SBK1: variants seen among roughly 807,000 people sequenced by gnomAD.
SBK1 encodes the protein SH3 domain binding kinase 1.
Under a neutral mutation model 24.4 loss-of-function variants are expected in SBK1, and 11 were observed. The ratio of observed to expected loss-of-function variants is 0.45; its 90% confidence interval spans 0.28 to 0.75. SBK1 has a LOEUF of 0.75. SBK1 is among the 30% of genes least tolerant of loss of function. The probability of loss-of-function intolerance (pLI) is 0.12; values close to 1 mark genes in which losing one functional copy is unlikely to be tolerated. For synonymous variants in SBK1, 308 were observed against 284.4 expected (o/e 1.08, Z -0.83); for missense variants, 467 against 620.5 (o/e 0.75, Z 2.63).
At chr16:28,263,261 A>G (rs1567668361) in intron 1 of SBK1, among the ~76,000 whole-genome samples, 1 of 152,196 alleles carries the variant, frequency 6.6e-6, no homozygotes. Flanking sequence ...CCCTGCTCTC[A>G]TGGGGTTTAT....
chr16:28,277,344 G>A (rs1443988476), intron 1 of SBK1, among the ~76,000 whole-genome samples: 1 of 151,554 alleles, frequency 6.6e-6, no homozygotes, highest in Non-Finnish European at 1.5e-5. Flanking sequence ...GACAGAGAGA[G>A]AGAGAGAGAA....
chr16:28,315,957 G>C (rs1046796021), intron 1 of SBK1, among the ~76,000 whole-genome samples: 3 of 152,126 alleles, frequency 2.0e-5, no homozygotes, highest in Middle Eastern at 3.4e-3. Flanking sequence ...GTAGAGACAG[G>C]GTTCCGCCAC....
At chr16:28,294,579 G>T (rs1259835031) in intron 1 of SBK1, among the ~76,000 whole-genome samples, 2 of 152,178 alleles carry the variant, frequency 1.3e-5, no homozygotes, top group African/African-American at 4.8e-5. Context: ...CCCTGGGCAC[G>T]TCCCATTGGG....
chr16:28,284,099 G>A (rs1190278376), intron 1 of SBK1, among the ~76,000 whole-genome samples: 1 of 152,012 alleles, frequency 6.6e-6, no homozygotes, highest in African/African-American at 2.4e-5. Context: ...TGACTGAGTT[G>A]GTAACACGAC....
At position 28,320,899 on chromosome 16, in the gene SBK1, C is replaced by T; in HGVS notation, c.1253C>T (p.Thr418Met). The change falls in exon 4 of 4, where the codon ACG (threonine) becomes ATG (methionine). Residue 418 changes from threonine to methionine, a missense_variant. Transcript: ENST00000341901. This position sits in a 1 kb window ranked among gnomAD's most constrained non-coding sequence, Gnocchi z 8.5. ...AGCAAAGGGCAGGTGGTGCTGGCCA[C>T]GGCCATCGAGATCTGCGTCTGAGTC... ...DKSKGQVVLA[T>M]AIEICV 4.0e-6 allele frequency: 6 copies of T among 1,494,448 alleles called. No individual in the cohort carries two copies. The highest frequency in any genetic ancestry group is 5.3e-6 in the Non-Finnish European group (6 of 1,126,890). The allele number at this position is 1,494,448 out of a possible 1,614,324, so 92.6% of individuals were successfully genotyped here.
At chr16:28,311,874 G>A (rs547682803) in intron 1 of SBK1, among the ~76,000 whole-genome samples, 1 of 152,334 alleles carries the variant, frequency 6.6e-6, no homozygotes, top group South Asian at 2.1e-4. Context: ...GGGCAACTCT[G>A]AGGCAGACAT....
chr16:28,303,316 G>A (rs1232295023), intron 1 of SBK1, among the ~76,000 whole-genome samples: 1 of 152,064 alleles, frequency 6.6e-6, no homozygotes, highest in Non-Finnish European at 1.5e-5. Context: ...AGTTGCTGTG[G>A]TAGCTGAGAG....
chr16:28,320,766 C>T lies in SBK1; in HGVS notation c.1120C>T (p.Pro374Ser). The T allele has an allele frequency of 7.2e-7, 1 of 1,389,184 alleles. No individual in the cohort carries two copies. The highest frequency in any genetic ancestry group is 9.4e-7 in the Non-Finnish European group (1 of 1,065,540). The allele number at this position is 1,389,184 out of a possible 1,614,324, so 86.1% of individuals were successfully genotyped here. The change falls in exon 4 of 4, where the codon CCC (proline) becomes TCC (serine). Residue 374 changes from proline to serine, a missense_variant. Pro to Ser is a moderately conservative substitution (Grantham distance 74). Around this residue, in one of 4 missense-constraint regions of SBK1, gnomAD observed 166 missense variants for 146.8 expected, o/e 1.13. Coordinates refer to ENST00000341901, the MANE Select transcript of SBK1 (RefSeq NM_001024401.3). The surrounding 1 kb of genome is among the most constrained non-coding windows in gnomAD (Gnocchi z 8.5). ...RPAPPAVGSV[P>S]LPVPVPVPVP... ...CGCGCCCCCCGCCGTCGGGTCGGTGCCCTTGCCCGTGCCGGTGCCGGTGCC... is the reference window on the plus strand; with the variant it reads ...CGCGCCCCCCGCCGTCGGGTCGGTGTCCTTGCCCGTGCCGGTGCCGGTGCC...
chr16:28,296,099 T>TC (rs1444048921), intron 1 of SBK1, among the ~76,000 whole-genome samples: 1 of 148,786 alleles, frequency 6.7e-6, no homozygotes, highest in East Asian at 2.0e-4. Flanking sequence ...CTAATTTTTT[T>TC]TTTTTTTTTT....
At chr16:28,259,135 TTCGCACGGCCCAGCCCCGTGGCTGGAAC>T (rs573478358), upstream of SBK1, 1 of 152,488 alleles carries the variant, frequency 6.6e-6, no homozygotes, top group East Asian at 1.9e-4. The surrounding 1 kb of genome is among the most constrained non-coding windows in gnomAD (Gnocchi z 6.0). Context: ...TGGACACCGC[TTCGCACGGCCCAGCCCCGTGGCTGGAAC>T]CCCCACGGGT....
At chr16:28,258,851 C>T (rs2044378141), upstream of SBK1, 1 of 152,910 alleles carries the variant, frequency 6.5e-6, no homozygotes, top group South Asian at 2.1e-4. Context: ...ACCCTCTCTC[C>T]TGGAGGCCAC....
In SBK1 at chr16:28,321,104, C is replaced by A; in HGVS notation, c.*183C>A. 1 of 500,852 alleles carries A rather than the reference C, an allele frequency of 2.0e-6. No individual in the cohort carries two copies. Among genetic ancestry groups the A allele is most frequent in the Non-Finnish European group, 3.2e-6 (1 of 315,584 alleles). 31.0% of individuals were successfully genotyped at this position (500,852 alleles called of 1,614,324 possible). ...CTGGTGAGGGGGCCACCAAAGACCC[C>A]TAGCGCGGCCTGGTGAGCGGGGGCT... is the stretch of plus-strand genomic sequence containing the variant. On this transcript the variant is annotated 3_prime_UTR_variant, in exon 4 of 4. Transcript: ENST00000341901.
In SBK1 at chr16:28,293,314, A is replaced by G; in HGVS notation, c.-8+14A>G. 3 of 983,794 alleles carry G rather than the reference A, an allele frequency of 3.0e-6. No individual in the cohort carries two copies. Among genetic ancestry groups the G allele is most frequent in the Non-Finnish European group, 3.6e-6 (3 of 828,472 alleles). The allele number at this position is 983,794 out of a possible 1,614,324, so 60.9% of individuals were successfully genotyped here. A position where few individuals can be genotyped will look rare whatever the true frequency, so the allele number is the denominator to read the frequency against. On this transcript the variant is annotated intron_variant, in intron 1 of 3. Coordinates refer to ENST00000341901, the MANE Select transcript of SBK1 (RefSeq NM_001024401.3). The stretch of plus-strand genomic sequence containing the variant: ...GCCCCAGCCCAGGTAAGCCGGGCCC[A>G]GGTGAGGGGCGGCAGGTGAGTGGCC...
chr16:28,319,267 G>A lies in SBK1; in HGVS notation c.429+70G>A. ...CCCAGAGTGTGAGAGTGGGAGTGGA[G>A]TCAGACCATTTAATTAACAAGTATT... On this transcript the variant is annotated intron_variant, in intron 3 of 3. Transcript: ENST00000341901. The surrounding 1 kb of genome is among the most constrained non-coding windows in gnomAD (Gnocchi z 4.0). The A allele has an allele frequency of 2.5e-6, 3 of 1,193,782 alleles. No individual in the cohort carries two copies. The highest frequency in any genetic ancestry group is 3.7e-6 in the Non-Finnish European group (3 of 806,416). The allele number at this position is 1,193,782 out of a possible 1,614,324, so 73.9% of individuals were successfully genotyped here.
At chr16:28,269,950 A>G (rs2044454213) in intron 1 of SBK1, among the ~76,000 whole-genome samples, 1 of 152,184 alleles carries the variant, frequency 6.6e-6, no homozygotes, top group Non-Finnish European at 1.5e-5. Context: ...ATTTCAAGAC[A>G]CTGGGACAAG....
chr16:28,279,978 A>G (rs2044519599), intron 1 of SBK1, among the ~76,000 whole-genome samples: 1 of 151,014 alleles, frequency 6.6e-6, no homozygotes. Context: ...CTCAATTGCT[A>G]GGTTTATTTA....
intron 1 of SBK1, among the ~76,000 whole-genome samples, chr16:28,277,147 G>T (rs1053442707): frequency 1.3e-5 from 2 of 151,910 alleles, no homozygotes; most frequent in Non-Finnish European, 2.9e-5. Flanking sequence ...GGGTCGAAGG[G>T]GACGGGAGGA....
intron 1 of SBK1, among the ~76,000 whole-genome samples, chr16:28,299,803 G>A (rs2141580091): frequency 6.6e-6 from 1 of 152,352 alleles, no homozygotes; most frequent in Non-Finnish European, 1.5e-5. Context: ...CCCACTTGGA[G>A]TGGAAGCCAG....
chr16:28,273,642 C>G (rs967719804), intron 1 of SBK1, among the ~76,000 whole-genome samples: 2 of 152,050 alleles, frequency 1.3e-5, no homozygotes, highest in African/African-American at 2.4e-5. Flanking sequence ...CCGTGTTACC[C>G]AGGCTGGTCT....
Sources: gnomAD v4.1 joint callset for allele counts (sites outside exome capture counted in the v4.1 genomes callset) on GRCh38, gnomAD v4.1.1 for gene constraint, gnomAD v4.1.1 regional missense constraint, Gnocchi (gnomAD v3.1) non-coding constraint, MANE v1.5 for transcripts, NCBI Gene and HGNC (gene_info 2026-07-23, HGNC 2026-07-21) for gene names.